Variants in CHD9 observed in about 807,000 individuals in gnomAD.
CHD9 encodes the protein ATP-dependent chromatin remodeler CHD9.
A neutral mutation model predicts 316.1 loss-of-function variants in CHD9; 77 were observed. The ratio of observed to expected loss-of-function variants is 0.24; its 90% CI spans 0.20 to 0.29. The LOEUF (loss-of-function observed/expected upper bound fraction) is 0.29. Ranked by LOEUF, CHD9 falls within the 10% of genes least tolerant of loss-of-function variation. CHD9 has a pLI of 1.00. For synonymous variants in CHD9, 1,129 were observed against 1,158.3 expected, an observed-to-expected ratio of 0.97 and a Z score of 0.51; for missense variants, 2,763 against 3,438.1, an observed-to-expected ratio of 0.80 and a Z score of 4.91.
chr16:53,177,277 A>G (rs1020815320), intron 2 of CHD9, among the ~76,000 whole-genome samples: 5 of 152,236 alleles, frequency 3.3e-5, no homozygotes, highest in Non-Finnish European at 5.9e-5. Context: ...ATATACATGA[A>G]GAAACTAGGT....
intron 30 of CHD9, chr16:53,298,882 G>T: frequency 6.3e-6 from 1 of 158,626 alleles, no homozygotes; most frequent in South Asian, 1.9e-4. Context: ...TTTGGAGGAA[G>T]AGACAGAAGA....
At chr16:53,127,050 G>A (rs2039001715) in intron 1 of CHD9, among the ~76,000 whole-genome samples, 1 of 151,964 alleles carries the variant, frequency 6.6e-6, no homozygotes, top group Non-Finnish European at 1.5e-5. Flanking sequence ...AACCTCCTGG[G>A]CTCAAGTGAT....
In CHD9 at chr16:53,304,045, C is replaced by A. The variant is rs377460621; in HGVS notation, c.6039C>A (p.Thr2013=). ...AGATGGCTCATTCAAGGACTTCTAC[C>A]CCACTTCTACAGCAATATCAAGTAG... ...QSKMAHSRTS[T]PLLQQYQVAL... The change falls in exon 31 of 39, where the codon ACC becomes ACA. Residue 2013 remains threonine, a synonymous_variant. Transcript: ENST00000447540. 1.2e-5 allele frequency: 20 copies of A among 1,613,954 alleles called. No individual in the cohort carries two copies. The highest frequency in any genetic ancestry group is 1.5e-5 in the Non-Finnish European group (18 of 1,179,868).
chr16:53,069,404 C>T (rs954995757), intron 1 of CHD9, among the ~76,000 whole-genome samples: 3 of 152,200 alleles, frequency 2.0e-5, no homozygotes, highest in African/African-American at 4.8e-5. Flanking sequence ...CAAGCTGAAA[C>T]TCTGTCCCCA....
At chr16:53,185,149 A>C (rs970412332) in intron 2 of CHD9, among the ~76,000 whole-genome samples, 1 of 152,224 alleles carries the variant, frequency 6.6e-6, no homozygotes, top group Non-Finnish European at 1.5e-5. Flanking sequence ...GGAACTGGGT[A>C]ACAGGCAGAG....
chr16:53,171,595 A>G (rs1033797831), intron 2 of CHD9, among the ~76,000 whole-genome samples: 3 of 152,050 alleles, frequency 2.0e-5, no homozygotes, highest in Non-Finnish European at 4.4e-5. Context: ...CATGTTTATA[A>G]TACTAACACT....
intron 1 of CHD9, among the ~76,000 whole-genome samples, chr16:53,147,850 T>C (rs1454213246): frequency 6.6e-6 from 1 of 152,166 alleles, no homozygotes; most frequent in African/African-American, 2.4e-5. Context: ...GTGAATAGTA[T>C]GTACCTAGGA....
intron 1 of CHD9, among the ~76,000 whole-genome samples, chr16:53,154,149 A>G (rs1305960580): frequency 2.0e-5 from 3 of 152,204 alleles, no homozygotes; most frequent in South Asian, 2.1e-4. Flanking sequence ...TTCAATTGAT[A>G]TTTATTACTC....
At chr16:53,319,360 A>C (rs1335774165) in intron 37 of CHD9, among the ~76,000 whole-genome samples, 1 of 152,238 alleles carries the variant, frequency 6.6e-6, no homozygotes, top group African/African-American at 2.4e-5. Flanking sequence ...TGAATTTCTC[A>C]TAAGAAATAT....
chr16:53,135,710 C>A (rs1462848570), intron 1 of CHD9, among the ~76,000 whole-genome samples: 1 of 152,088 alleles, frequency 6.6e-6, no homozygotes, highest in Non-Finnish European at 1.5e-5. Flanking sequence ...ATGATAAGCG[C>A]CTTAGAATAG....
At chr16:53,313,443 T>C (rs191885010) in intron 34 of CHD9, among the ~76,000 whole-genome samples, 1 of 152,140 alleles carries the variant, frequency 6.6e-6, no homozygotes, top group Non-Finnish European at 1.5e-5. Flanking sequence ...GTAGCTCGTA[T>C]TACAGGTGCC....
chr16:53,324,467 A>G lies in CHD9; in HGVS notation c.8266A>G (p.Arg2756Gly). 1 of 1,614,020 alleles carries G rather than the reference A, an allele frequency of 6.2e-7. No individual in the cohort carries two copies. Among genetic ancestry groups the G allele is most frequent in the Admixed American group, 1.7e-5 (1 of 60,018 alleles). Residue 2756 changes from arginine to glycine, a missense_variant, in exon 39 of 39, where the codon AGG becomes GGG. Physicochemically the swap from Arg to Gly is moderately radical, Grantham distance 125. This residue lies in a region of CHD9 where 298 missense variants were observed against 380.2 expected (regional missense o/e 0.78). Coordinates refer to ENST00000447540, the MANE Select transcript of CHD9 (RefSeq NM_001308319.2). ...TAAGGAGTCAGAAGGAAAAACAGAA[A>G]GGACAGAGAGCCAAAGTTCAGAGAA... ...DSKESEGKTE[R>G]TESQSSENGG...
At chr16:53,134,545 A>T (rs1343376395) in intron 1 of CHD9, among the ~76,000 whole-genome samples, 1 of 152,172 alleles carries the variant, frequency 6.6e-6, no homozygotes, top group African/African-American at 2.4e-5. Flanking sequence ...ATAAAATCGT[A>T]TCTTGTCCTT....
intron 16 of CHD9, 69 bp from the exon 17 acceptor site, chr16:53,249,802 C>T: frequency 1.6e-6 from 2 of 1,238,698 alleles, no homozygotes; most frequent in South Asian, 1.2e-5. Flanking sequence ...ACTGACTTTA[C>T]ATTTGATAGA....
chr16:53,230,714 T>G (rs2048093266), intron 8 of CHD9, among the ~76,000 whole-genome samples: 1 of 152,084 alleles, frequency 6.6e-6, no homozygotes, highest in South Asian at 2.1e-4. Context: ...TGAAAAACAT[T>G]AAAGGGGAGG....
Position 53,255,593 on chromosome 16 carries a change from T to C in CHD9, c.4030-7T>C. ...AACTATTTTTATGGAAGTTAATTTC[T>C]CCTTAGATTCAGCAGCTTTCCAAAA... On this transcript the variant is annotated splice_polypyrimidine_tract_variant and splice_region_variant and intron_variant, in intron 18 of 38. Transcript: ENST00000447540. 1.2e-6 allele frequency: 2 copies of C among 1,603,946 alleles called. No individual in the cohort carries two copies. Among genetic ancestry groups the C allele is most frequent in the Non-Finnish European group, 1.7e-6 (2 of 1,176,778 alleles).
chr16:53,080,759 C>A (rs1197373385), intron 1 of CHD9, among the ~76,000 whole-genome samples: 1 of 152,204 alleles, frequency 6.6e-6, no homozygotes. Context: ...CCAGCCAAGT[C>A]TCCACCCCTC....
chr16:53,313,859 A>C (rs961139597), intron 34 of CHD9, among the ~76,000 whole-genome samples: 2 of 151,662 alleles, frequency 1.3e-5, no homozygotes, highest in African/African-American at 4.8e-5. Flanking sequence ...AGGCTGAGGC[A>C]GGAGAATAGC....
chr16:53,061,627 T>C (rs754244917), intron 1 of CHD9, among the ~76,000 whole-genome samples: 13 of 152,136 alleles, frequency 8.5e-5, no homozygotes, highest in Non-Finnish European at 1.9e-4. Context: ...AGCGAGACTA[T>C]AGAAAATATT....
Sources: allele counts gnomAD v4.1 joint callset (sites outside exome capture counted in the v4.1 genomes callset), GRCh38; gene constraint gnomAD v4.1.1; regional missense constraint gnomAD v4.1.1; transcripts MANE v1.5; gene names NCBI Gene and HGNC (gene_info 2026-07-23, HGNC 2026-07-21).